Variants in GBF1 observed in about 807,000 individuals in gnomAD.
GBF1 encodes golgi brefeldin A resistant guanine nucleotide exchange factor 1, also known as Golgi-specific brefeldin A-resistance guanine nucleotide exchange factor 1.
GBF1 carries 114 observed loss-of-function variants against 210.5 expected under a neutral mutation model. That is an observed-to-expected ratio of 0.54 (90% CI 0.47 to 0.63). The LOEUF (loss-of-function observed/expected upper bound fraction) is 0.63. Among genes scored for constraint, GBF1 ranks in the 30% least tolerant of loss-of-function variants. The pLI is 0.00. For synonymous variants in GBF1, 850 were observed against 889.2 expected, an observed-to-expected ratio of 0.96 and a Z score of 0.78; for missense variants, 1,851 against 2,357.7, an observed-to-expected ratio of 0.79 and a Z score of 4.45.
At chr10:102,249,663 A>C (rs2071254751) in intron 1 of GBF1, among the ~76,000 whole-genome samples, 2 of 151,670 alleles carry the variant, frequency 1.3e-5, no homozygotes, top group Non-Finnish European at 2.9e-5. Flanking sequence ...GGAAATGTTA[A>C]AAGCTCTGCA....
At chr10:102,238,088 G>A in the GBF1 span, among the ~76,000 whole-genome samples, 2 of 152,150 alleles carry the variant, frequency 1.3e-5, no homozygotes, top group Non-Finnish European at 2.9e-5. Flanking sequence ...AATGGGAAAG[G>A]AGAGATAGAG....
At chr10:102,270,211 C>T (rs2074267968) in intron 3 of GBF1, among the ~76,000 whole-genome samples, 2 of 151,174 alleles carry the variant, frequency 1.3e-5, no homozygotes, top group Admixed American at 1.3e-4. Context: ...GCTCCATCAC[C>T]CAGGCTGGAG....
intron 1 of GBF1, among the ~76,000 whole-genome samples, chr10:102,256,295 C>A (rs2072357413): frequency 6.6e-6 from 1 of 151,924 alleles, no homozygotes. Flanking sequence ...TGGTGGTTTT[C>A]ATGCTTTTCA....
rs905235305 is a variant in GBF1, at chr10:102,368,765, A to G, written c.2906A>G (p.Tyr969Cys). 4.4e-5 allele frequency: 71 copies of G among 1,613,412 alleles called. No individual in the cohort carries two copies. The highest frequency in any genetic ancestry group is 1.7e-4 in the Middle Eastern group (1 of 6,060). Residue 969 changes from tyrosine to cysteine, a missense_variant, in exon 23 of 40, where the codon TAT (tyrosine) becomes TGT (cysteine). By Grantham distance (194) the Tyr-to-Cys change is radical (BLOSUM62 -2). Transcript: ENST00000369983. ...AAGTGCGCCATGATCTCCGCCCACT[A>G]TGGCCTCAGCGATGTGTTTGACAAT... ...FRKCAMISAH[Y>C]GLSDVFDNLI...
intron 3 of GBF1, among the ~76,000 whole-genome samples, chr10:102,289,210 G>A (rs955556637): frequency 6.6e-6 from 1 of 152,146 alleles, no homozygotes; most frequent in Admixed American, 6.5e-5. Context: ...AGACCCTAAA[G>A]CTAACCAGGG....
At chr10:102,235,247 G>A in the GBF1 span, among the ~76,000 whole-genome samples, 1 of 148,662 alleles carries the variant, frequency 6.7e-6, no homozygotes, top group African/African-American at 2.5e-5. Context: ...GACTCTGTGT[G>A]GGGGAGGAGC....
intron 3 of GBF1, among the ~76,000 whole-genome samples, chr10:102,288,437 C>T (rs1000358018): frequency 1.3e-5 from 2 of 152,148 alleles, no homozygotes; most frequent in Non-Finnish European, 1.5e-5. Context: ...TACGGCCGGG[C>T]GCGGTGGCTC....
intron 3 of GBF1, among the ~76,000 whole-genome samples, chr10:102,294,531 G>T (rs2076757107): frequency 6.6e-6 from 1 of 151,732 alleles, no homozygotes. Context: ...ACAGGCGCCT[G>T]TCACCACGCC....
intron 4 of GBF1, among the ~76,000 whole-genome samples, chr10:102,349,219 C>CTA (rs1294587762): frequency 6.6e-6 from 1 of 151,998 alleles, no homozygotes. Context: ...CTCAGGAACT[C>CTA]TCTGATTTCA....
At chr10:102,297,724 A>G (rs1053220531) in intron 3 of GBF1, among the ~76,000 whole-genome samples, 11 of 152,322 alleles carry the variant, frequency 7.2e-5, no homozygotes, top group Admixed American at 3.9e-4. Flanking sequence ...GTCCTTCTGG[A>G]CCTTTTCATA....
intron 11 of GBF1, 31 bp downstream of exon 11, chr10:102,359,466 C>T: frequency 6.5e-7 from 1 of 1,535,600 alleles, no homozygotes; most frequent in Non-Finnish European, 9.0e-7. Context: ...TGCCAATTCA[C>T]CTCCCCCATC....
chr10:102,334,913 A>G (rs2134388778), intron 3 of GBF1, among the ~76,000 whole-genome samples: 1 of 152,120 alleles, frequency 6.6e-6, no homozygotes, highest in East Asian at 1.9e-4. Flanking sequence ...ATTTGGGAAG[A>G]CAAGAGGTGT....
chr10:102,251,130 A>C (rs1336007048), intron 1 of GBF1, among the ~76,000 whole-genome samples: 1 of 152,266 alleles, frequency 6.6e-6, no homozygotes, highest in Non-Finnish European at 1.5e-5. Context: ...CAAAAATGTG[A>C]ATGTGCAAAT....
intron 3 of GBF1, among the ~76,000 whole-genome samples, chr10:102,275,405 C>T (rs566041896): frequency 1.7e-4 from 26 of 152,234 alleles, no homozygotes; most frequent in African/African-American, 4.8e-4. Context: ...CCAGAGAAAG[C>T]ACCTAGAAGT....
intron 3 of GBF1, among the ~76,000 whole-genome samples, chr10:102,297,736 C>T (rs947446990): frequency 1.3e-5 from 2 of 152,154 alleles, no homozygotes; most frequent in African/African-American, 2.4e-5. Context: ...CTTTTCATAA[C>T]CCCTTTGAAG....
chr10:102,340,102 C>T (rs534790892), intron 3 of GBF1, among the ~76,000 whole-genome samples: 10 of 151,562 alleles, frequency 6.6e-5, no homozygotes, highest in Admixed American at 2.0e-4. Flanking sequence ...TACAGGTGCG[C>T]GCCACCATGC....
intron 1 of GBF1, among the ~76,000 whole-genome samples, chr10:102,256,644 C>T (rs1419824184): frequency 1.3e-5 from 2 of 151,492 alleles, no homozygotes; most frequent in Non-Finnish European, 2.9e-5. Context: ...CTCAGCCACT[C>T]GAGTAGCTGG....
intron 30 of GBF1, among the ~76,000 whole-genome samples, chr10:102,375,850 G>C (rs2135307145): frequency 6.6e-6 from 1 of 152,068 alleles, no homozygotes; most frequent in Middle Eastern, 3.4e-3. Flanking sequence ...CCCAGTTTCT[G>C]TTTCTGAGCT....
At chr10:102,307,036 C>T (rs534741185) in intron 3 of GBF1, among the ~76,000 whole-genome samples, 27 of 152,276 alleles carry the variant, frequency 1.8e-4, no homozygotes, top group African/African-American at 6.3e-4. Flanking sequence ...CTAAATTTAG[C>T]GGACATTAAG....
Sources: gnomAD v4.1 joint callset for allele counts (sites outside exome capture counted in the v4.1 genomes callset) on GRCh38, gnomAD v4.1.1 for gene constraint, MANE v1.5 for transcripts, NCBI Gene and HGNC (gene_info 2026-07-23, HGNC 2026-07-21) for gene names.